Variants in ERCC6L2 observed in about 807,000 individuals in gnomAD.
ERCC6L2 encodes DNA excision repair protein ERCC-6-like 2.
Under a neutral mutation model 132.0 loss-of-function variants are expected in ERCC6L2, and 77 were observed. That is an observed-to-expected ratio of 0.58 (90% confidence interval 0.49 to 0.71). ERCC6L2 has a LOEUF of 0.71. Among genes scored for constraint, ERCC6L2 ranks in the 30% least tolerant of loss-of-function variants. ERCC6L2 has a pLI of 0.00. For synonymous variants in ERCC6L2, 583 were observed against 632.4 expected, an observed-to-expected ratio of 0.92 and a Z score of 1.17; for missense variants, 1,542 against 1,837.6, an observed-to-expected ratio of 0.84 and a Z score of 2.94.
At chr9:95,887,637 A>G (rs755011858) in intron 2 of ERCC6L2, among the ~76,000 whole-genome samples, 3 of 152,202 alleles carry the variant, frequency 2.0e-5, no homozygotes, top group Non-Finnish European at 4.4e-5. Flanking sequence ...TGAAAATGTC[A>G]TTACTGAAGG....
At position 95,901,190 on chromosome 9, in the gene ERCC6L2, A is replaced by G. The variant is rs1351292982; in HGVS notation, c.594+3219A>G. 8.5e-5 allele frequency among the ~76,000 whole-genome samples: 13 copies of G among 152,246 alleles called. No homozygotes were observed. The East Asian group carries it at 2.5e-3, about 29-fold the overall frequency. ...TTTAAGTTCAAAATTTTCTTTTATA[A>G]TGACAAAACATCTTCTGTCACTCCA... On this transcript the variant is annotated intron_variant, in intron 3 of 18. Transcript: ENST00000653738.
intron 11 of ERCC6L2, among the ~76,000 whole-genome samples, chr9:95,933,606 A>C (rs1448996992): frequency 2.6e-5 from 4 of 152,172 alleles, no homozygotes; most frequent in African/African-American, 9.7e-5. Flanking sequence ...GCACTTTGGA[A>C]GGCCAAAACG....
In ERCC6L2 at chr9:96,013,300, C is replaced by G. The variant is rs542869641; in HGVS notation, c.*97C>G. 7.6e-6 allele frequency: 8 copies of G among 1,053,314 alleles called. No individual in the cohort carries two copies. In the Admixed American group the frequency reaches 2.0e-4, roughly 27 times the overall value. The allele number at this position is 1,053,314 out of a possible 1,614,324, so 65.2% of individuals were successfully genotyped here. On this transcript the variant is annotated 3_prime_UTR_variant, in exon 19 of 19. Transcript: ENST00000653738. ...CTATTATCTTGAACACAGTTGTTGA[C>G]ATATATTTTTATTAAATTATTGCTT...
At chr9:95,885,215 C>G in intron 2 of ERCC6L2, among the ~76,000 whole-genome samples, 1 of 152,158 alleles carries the variant, frequency 6.6e-6, no homozygotes, top group Admixed American at 6.5e-5. Flanking sequence ...CATATTCTCA[C>G]CACTTAGATT....
chr9:95,970,057 A>AGG, intron 14 of ERCC6L2, among the ~76,000 whole-genome samples: 1 of 152,154 alleles, frequency 6.6e-6, no homozygotes, highest in East Asian at 1.9e-4. Context: ...TATTGTTTTT[A>AGG]GTTTCATATT....
intron 16 of ERCC6L2, 100 bp downstream of exon 16, chr9:95,973,188 C>A: frequency 1.3e-6 from 1 of 772,474 alleles, no homozygotes; most frequent in Non-Finnish European, 1.8e-6. Context: ...GCCCTAAAAT[C>A]AAGATGCTGC....
At chr9:96,026,156 G>C (rs1276202165) in intron 19 of ERCC6L2, among the ~76,000 whole-genome samples, 1 of 152,232 alleles carries the variant, frequency 6.6e-6, no homozygotes, top group East Asian at 1.9e-4. Context: ...GCCCGGGCGG[G>C]ATGTGGGCAG....
chr9:95,940,872 C>T (rs1830767153), intron 11 of ERCC6L2, among the ~76,000 whole-genome samples: 1 of 152,008 alleles, frequency 6.6e-6, no homozygotes, highest in Non-Finnish European at 1.5e-5. Context: ...TTCAGCTAGG[C>T]TTTCTTTTTT....
chr9:95,877,881 G>A (rs1827370602), intron 1 of ERCC6L2, among the ~76,000 whole-genome samples: 1 of 152,074 alleles, frequency 6.6e-6, no homozygotes. Flanking sequence ...CTCTGTGTTG[G>A]TCCTGGGGAT....
intron 2 of ERCC6L2, 127 bp from the exon 3 acceptor site, chr9:95,897,722 T>C: frequency 1.0e-6 from 1 of 956,308 alleles, no homozygotes; most frequent in Non-Finnish European, 1.6e-6. Context: ...TAATATTTCA[T>C]GTTCTATTTC....
At chr9:96,035,147 C>T (rs558445563) in intron 19 of ERCC6L2, among the ~76,000 whole-genome samples, 23 of 152,332 alleles carry the variant, frequency 1.5e-4, no homozygotes, top group Non-Finnish European at 7.3e-5. Flanking sequence ...TCTCCCAACA[C>T]CTGCTCAGAT....
chr9:95,890,529 G>C (rs1828101849), intron 2 of ERCC6L2, among the ~76,000 whole-genome samples: 2 of 152,168 alleles, frequency 1.3e-5, no homozygotes, highest in African/African-American at 2.4e-5. Context: ...CTTAGGACAA[G>C]TTTAAACCAT....
intron 11 of ERCC6L2, among the ~76,000 whole-genome samples, chr9:95,936,914 G>GT (rs1564241404): frequency 6.6e-6 from 1 of 152,048 alleles, no homozygotes; most frequent in Non-Finnish European, 1.5e-5. Flanking sequence ...TTCACTCAGC[G>GT]TAATTCCCTG....
intron 17 of ERCC6L2, among the ~76,000 whole-genome samples, chr9:95,986,898 C>T (rs1833118187): frequency 6.6e-6 from 1 of 152,182 alleles, no homozygotes; most frequent in African/African-American, 2.4e-5. Context: ...TTAATGGACT[C>T]ACAGTTCCAC....
intron 17 of ERCC6L2, among the ~76,000 whole-genome samples, chr9:96,003,125 C>G (rs1833746515): frequency 6.6e-6 from 1 of 151,994 alleles, no homozygotes; most frequent in African/African-American, 2.4e-5. Context: ...AAATAAATAT[C>G]TTTTTCAGAT....
chr9:95,945,959 A>G (rs1157183247), intron 12 of ERCC6L2, among the ~76,000 whole-genome samples: 4 of 152,330 alleles, frequency 2.6e-5, no homozygotes, highest in African/African-American at 9.6e-5. Flanking sequence ...TATGCTTATT[A>G]TGAAACATAT....
rs748215650 is a variant in ERCC6L2 at position 96,004,663 on chromosome 9, C to A, written c.3636C>A (p.Thr1212=). The A allele has an allele frequency of 3.0e-6, 4 of 1,342,246 alleles. No individual in the cohort carries two copies. Among genetic ancestry groups the A allele is most frequent in the African/African-American group, 3.0e-5 (2 of 67,242 alleles). The allele number at this position is 1,342,246 out of a possible 1,614,324, so 83.1% of individuals were successfully genotyped here. ...KKKKVYHTNQ[T]TFIIGETPKG... ...AAAAAGTCTACCATACAAACCAGAC[C>A]ACCTTCATAATTGGAGAAACACCAA... The change falls in exon 18 of 19, where the codon ACC becomes ACA. Residue 1212 remains threonine, a synonymous_variant. Transcript: ENST00000653738.
At chr9:95,927,638 T>A (rs1457248906) in intron 9 of ERCC6L2, among the ~76,000 whole-genome samples, 1 of 152,152 alleles carries the variant, frequency 6.6e-6, no homozygotes, top group Admixed American at 6.6e-5. Context: ...TATCAAGACT[T>A]TTAGAACCTA....
chr9:96,040,533 G>A (rs1834566663), intron 20 of ERCC6L2, among the ~76,000 whole-genome samples: 2 of 152,154 alleles, frequency 1.3e-5, no homozygotes, highest in East Asian at 1.9e-4. Flanking sequence ...TATCTCCCCC[G>A]AAATCCTGGG....
Sources: gnomAD v4.1 joint callset for allele counts (sites outside exome capture counted in the v4.1 genomes callset) on GRCh38, gnomAD v4.1.1 for gene constraint, MANE v1.5 for transcripts, NCBI Gene and HGNC (gene_info 2026-07-23, HGNC 2026-07-21) for gene names.